Variants in MARCHF1 observed in about 807,000 individuals in gnomAD.
MARCHF1 encodes the protein membrane associated ring-CH-type finger 1.
Under a neutral mutation model 54.2 loss-of-function variants are expected in MARCHF1, and 40 were observed. The observed-to-expected ratio is 0.74, with a 90% CI of 0.57 to 0.96. The LOEUF is 0.96. Among genes scored for constraint, MARCHF1 ranks in the 40% least tolerant of loss-of-function variants. The pLI is 0.00. For synonymous variants in MARCHF1, 236 were observed against 236.3 expected (o/e 1.00, Z 0.01); for missense variants, 586 against 656.5 (o/e 0.89, Z 1.17).
chr4:163,599,967 T>C (rs1740904604), intron 7 of MARCHF1, among the ~76,000 whole-genome samples: 1 of 152,162 alleles, frequency 6.6e-6, no homozygotes, highest in African/African-American at 2.4e-5. Context: ...CATCAGTAAG[T>C]GTGTCAAGTT....
chr4:164,312,932 T>C (rs1393218015), intron 1 of MARCHF1, among the ~76,000 whole-genome samples: 2 of 152,126 alleles, frequency 1.3e-5, no homozygotes, highest in South Asian at 2.1e-4. Context: ...AAAGCAACTG[T>C]AGAACAAGCC....
chr4:163,822,514 A>T (rs911038996), intron 4 of MARCHF1, among the ~76,000 whole-genome samples: 1 of 151,922 alleles, frequency 6.6e-6, no homozygotes, highest in Non-Finnish European at 1.5e-5. Context: ...GATTCTTTTT[A>T]AAAAATAATT....
chr4:163,735,751 C>A (rs41469952), intron 4 of MARCHF1, among the ~76,000 whole-genome samples: 11,109 of 152,210 alleles, frequency 0.073, 530 homozygotes, highest in Non-Finnish European at 0.11. Flanking sequence ...TAAACCCTTG[C>A]TTCTTGTACA....
intron 6 of MARCHF1, 120 bp downstream of exon 6, chr4:163,613,194 T>A: frequency 7.8e-7 from 1 of 1,281,904 alleles, no homozygotes; most frequent in Non-Finnish European, 1.1e-6. Context: ...AAATAGCCAG[T>A]ATAAATTTTC....
At chr4:164,172,073 C>T (rs1224740892) in intron 1 of MARCHF1, among the ~76,000 whole-genome samples, 2 of 152,120 alleles carry the variant, frequency 1.3e-5, no homozygotes, top group Admixed American at 1.3e-4. Context: ...GGAGTCTTTA[C>T]ACTAATCATG....
At chr4:164,276,001 A>G (rs1220651022) in intron 1 of MARCHF1, among the ~76,000 whole-genome samples, 7 of 152,174 alleles carry the variant, frequency 4.6e-5, no homozygotes, top group Non-Finnish European at 1.0e-4. Context: ...ATCTATCTCA[A>G]CTGCTTCTAA....
intron 3 of MARCHF1, among the ~76,000 whole-genome samples, chr4:163,925,714 A>C (rs1041457873): frequency 4.0e-5 from 6 of 151,838 alleles, no homozygotes; most frequent in Non-Finnish European, 8.9e-5. Context: ...AAATTGAAGT[A>C]GGACTGACCT....
At chr4:163,911,878 G>C (rs1304011134) in intron 3 of MARCHF1, among the ~76,000 whole-genome samples, 1 of 152,104 alleles carries the variant, frequency 6.6e-6, no homozygotes, top group East Asian at 1.9e-4. Context: ...TCTCAGACTT[G>C]TAGCCCCCAG....
chr4:163,756,094 C>T (rs969004449), intron 4 of MARCHF1, among the ~76,000 whole-genome samples: 1 of 152,154 alleles, frequency 6.6e-6, no homozygotes, highest in African/African-American at 2.4e-5. Flanking sequence ...TTTTTCAAAG[C>T]AACTCAAATA....
intron 6 of MARCHF1, 132 bp from the exon 7 acceptor site, chr4:163,613,170 A>G: frequency 8.1e-7 from 1 of 1,231,214 alleles, no homozygotes; most frequent in East Asian, 2.6e-5. Flanking sequence ...GAAGAAAATG[A>G]ACTAAATGAA....
intron 2 of MARCHF1, among the ~76,000 whole-genome samples, chr4:164,014,853 C>A (rs1224283733): frequency 2.0e-5 from 3 of 152,022 alleles, no homozygotes; most frequent in Non-Finnish European, 4.4e-5. Context: ...ATACATGTAT[C>A]CAATGCTGGA....
intron 3 of MARCHF1, among the ~76,000 whole-genome samples, chr4:163,873,006 T>G (rs1360340979): frequency 1.3e-5 from 2 of 151,558 alleles, no homozygotes; most frequent in African/African-American, 2.4e-5. Flanking sequence ...ATCGCGCCAC[T>G]GCACTCCAGC....
intron 2 of MARCHF1, among the ~76,000 whole-genome samples, chr4:164,107,843 T>C (rs1755740848): frequency 6.6e-6 from 1 of 152,012 alleles, no homozygotes; most frequent in South Asian, 2.1e-4. Context: ...AGGTTTGAGA[T>C]TAAAAGTTGG....
At chr4:163,631,685 T>G (rs1346050506) in intron 5 of MARCHF1, among the ~76,000 whole-genome samples, 1 of 152,156 alleles carries the variant, frequency 6.6e-6, no homozygotes, top group African/African-American at 2.4e-5. Flanking sequence ...AAGATAAAGT[T>G]TAATTAAGAA....
chr4:164,098,394 A>T (rs1206667572), intron 2 of MARCHF1, among the ~76,000 whole-genome samples: 2 of 152,192 alleles, frequency 1.3e-5, no homozygotes, highest in African/African-American at 4.8e-5. Flanking sequence ...ACTCAAGATC[A>T]CCAGGAAGTG....
At chr4:164,048,780 G>A (rs1229309831) in intron 2 of MARCHF1, among the ~76,000 whole-genome samples, 1 of 151,918 alleles carries the variant, frequency 6.6e-6, no homozygotes, top group Non-Finnish European at 1.5e-5. Context: ...TACATTAATT[G>A]GCAGAGTAAA....
intron 8 of MARCHF1, among the ~76,000 whole-genome samples, chr4:163,558,664 G>A (rs868806534): frequency 6.6e-6 from 1 of 152,152 alleles, no homozygotes; most frequent in Non-Finnish European, 1.5e-5. Flanking sequence ...GATTGGCTCA[G>A]GCCAGGCATG....
chr4:164,195,239 CT>C (rs1731224005), intron 1 of MARCHF1, among the ~76,000 whole-genome samples: 1 of 150,914 alleles, frequency 6.6e-6, no homozygotes, highest in African/African-American at 2.4e-5. Flanking sequence ...TGTTTTTTTT[CT>C]TGTAATCAGC....
rs538401577 is a variant in MARCHF1, at chr4:164,060,384, G to A, written c.-248+51204C>T. On this transcript the variant is annotated intron_variant, in intron 2 of 9. Coordinates refer to ENST00000514618, the MANE Select transcript of MARCHF1 (RefSeq NM_001394959.1). ...TTTAATAGATATTGATATCATTGGC[G>A]AAAGACTTTCTAATGTGCTTTCAAA... Among the ~76,000 whole-genome samples, 270 of 152,098 alleles carry A rather than the reference G, an allele frequency of 1.8e-3. 10 individuals are homozygous for A. The South Asian group carries it at 0.053, about 30-fold the overall frequency.
Sources: gnomAD v4.1 joint callset for allele counts (sites outside exome capture counted in the v4.1 genomes callset) on GRCh38, gnomAD v4.1.1 for gene constraint, MANE v1.5 for transcripts, NCBI Gene and HGNC (gene_info 2026-07-23, HGNC 2026-07-21) for gene names.